NEGR1: variants seen among roughly 807,000 people sequenced by gnomAD.
NEGR1 encodes the protein IgLON family member 4.
In NEGR1, 10 loss-of-function variants were observed where a neutral mutation model predicts 40.9. That is an observed-to-expected ratio of 0.24 (90% CI 0.15 to 0.42). The LOEUF (loss-of-function observed/expected upper bound fraction) is 0.42. NEGR1 is among the 10% of genes least tolerant of loss of function. The pLI is 1.00. For missense variants in NEGR1, 352 were observed against 438.9 expected, an observed-to-expected ratio of 0.80 and a Z score of 1.77; for synonymous variants, 185 against 166.8, an observed-to-expected ratio of 1.11 and a Z score of -0.84.
chr1:72,041,013 A>G (rs2100456594), intron 1 of NEGR1, among the ~76,000 whole-genome samples: 1 of 152,154 alleles, frequency 6.6e-6, no homozygotes. Flanking sequence ...TAAGTAACCA[A>G]TGTCAATAGT....
intron 1 of NEGR1, among the ~76,000 whole-genome samples, chr1:71,967,457 A>C (rs1646219420): frequency 6.6e-6 from 1 of 152,184 alleles, no homozygotes; most frequent in Non-Finnish European, 1.5e-5. Flanking sequence ...ACAAATTATA[A>C]GCTTGAATTT....
At chr1:72,276,608 T>A (rs891707463) in intron 1 of NEGR1, among the ~76,000 whole-genome samples, 1 of 152,198 alleles carries the variant, frequency 6.6e-6, no homozygotes, top group Admixed American at 6.5e-5. Context: ...GTATGGATTA[T>A]AAAGCCTCTT....
intron 2 of NEGR1, among the ~76,000 whole-genome samples, chr1:71,896,159 T>C (rs142955963): frequency 6.7e-6 from 1 of 150,320 alleles, no homozygotes; most frequent in East Asian, 2.0e-4. Context: ...TGCCTCAGCC[T>C]CTGGAATAGC....
At chr1:71,572,642 G>A (rs921022573) in intron 6 of NEGR1, among the ~76,000 whole-genome samples, 1 of 152,088 alleles carries the variant, frequency 6.6e-6, no homozygotes, top group Admixed American at 6.5e-5. Flanking sequence ...AGACTTGTGG[G>A]TATATATTCA....
chr1:71,476,342 A>C (rs1401822641), intron 6 of NEGR1, among the ~76,000 whole-genome samples: 2 of 152,132 alleles, frequency 1.3e-5, no homozygotes, highest in East Asian at 3.9e-4. Flanking sequence ...AATCAATAAA[A>C]TAAGCAATAT....
intron 4 of NEGR1, among the ~76,000 whole-genome samples, chr1:71,621,413 A>T (rs1298584405): frequency 6.6e-6 from 1 of 151,864 alleles, no homozygotes; most frequent in Non-Finnish European, 1.5e-5. Flanking sequence ...TTACTTGGGT[A>T]TATAAAAGAT....
intron 6 of NEGR1, among the ~76,000 whole-genome samples, chr1:71,565,559 G>C (rs1200956594): frequency 1.3e-5 from 2 of 152,162 alleles, no homozygotes; most frequent in African/African-American, 2.4e-5. Flanking sequence ...AAATAGGACA[G>C]AGCAACAAGT....
chr1:71,862,304 C>T (rs915437850), intron 2 of NEGR1, among the ~76,000 whole-genome samples: 1 of 152,112 alleles, frequency 6.6e-6, no homozygotes, highest in African/African-American at 2.4e-5. Context: ...ATAGCTGACA[C>T]TCCTAACACT....
intron 6 of NEGR1, among the ~76,000 whole-genome samples, chr1:71,519,630 G>C (rs1302751746): frequency 8.0e-6 from 1 of 125,658 alleles, no homozygotes; most frequent in Non-Finnish European, 1.6e-5. Flanking sequence ...CCTAATGCTA[G>C]ATGACACGTT....
At chr1:71,897,114 T>G (rs1252813524) in intron 2 of NEGR1, among the ~76,000 whole-genome samples, 46 of 152,110 alleles carry the variant, frequency 3.0e-4, no homozygotes, top group Admixed American at 3.0e-3. Flanking sequence ...TGCTGAGTAT[T>G]CTTCTCTGTT....
intron 1 of NEGR1, among the ~76,000 whole-genome samples, chr1:72,091,505 G>A (rs901637664): frequency 7.4e-5 from 11 of 147,976 alleles, no homozygotes; most frequent in Admixed American, 1.4e-4. Flanking sequence ...TGAGCTTGAC[G>A]TCTTCAAGTA....
At chr1:71,991,061 C>G (rs1457957552) in intron 1 of NEGR1, among the ~76,000 whole-genome samples, 2 of 151,958 alleles carry the variant, frequency 1.3e-5, no homozygotes, top group Admixed American at 6.6e-5. Context: ...GAACAGAAAA[C>G]TGAGTGGTAT....
At chr1:71,870,334 T>C (rs1660245295) in intron 2 of NEGR1, among the ~76,000 whole-genome samples, 1 of 152,232 alleles carries the variant, frequency 6.6e-6, no homozygotes, top group Non-Finnish European at 1.5e-5. Context: ...ATCTATTATT[T>C]TTTATCTAAG....
At chr1:71,950,845 A>T (rs1350968276) in intron 1 of NEGR1, among the ~76,000 whole-genome samples, 1 of 151,990 alleles carries the variant, frequency 6.6e-6, no homozygotes, top group Non-Finnish European at 1.5e-5. Flanking sequence ...CTTCTGATGC[A>T]AAAGGACTAC....
At chr1:71,420,132 A>G (rs1287870000) in intron 6 of NEGR1, among the ~76,000 whole-genome samples, 3 of 152,092 alleles carry the variant, frequency 2.0e-5, no homozygotes, top group Non-Finnish European at 2.9e-5. Flanking sequence ...GCATTAATAA[A>G]TGTTTCAGTT....
chr1:71,846,963 T>C (rs1358627875), intron 2 of NEGR1, among the ~76,000 whole-genome samples: 1 of 152,196 alleles, frequency 6.6e-6, no homozygotes, highest in Admixed American at 6.5e-5. Flanking sequence ...TTTCAGACCA[T>C]AGCACATATT....
chr1:72,096,185 TC>T (rs1648689823), intron 1 of NEGR1, among the ~76,000 whole-genome samples: 1 of 152,194 alleles, frequency 6.6e-6, no homozygotes, highest in Admixed American at 6.5e-5. Context: ...GTTTGATGTT[TC>T]AAGGTGAACA....
At chr1:71,503,591 C>T (rs960924204) in intron 6 of NEGR1, among the ~76,000 whole-genome samples, 2 of 152,146 alleles carry the variant, frequency 1.3e-5, no homozygotes, top group Non-Finnish European at 2.9e-5. Context: ...CCTATCCCTT[C>T]CACACAGCAG....
intron 3 of NEGR1, among the ~76,000 whole-genome samples, chr1:71,742,827 A>G (rs1468819736): frequency 6.6e-6 from 1 of 152,174 alleles, no homozygotes; most frequent in Admixed American, 6.5e-5. Context: ...TTTGCAAGTG[A>G]AAAGGACATG....
Sources: allele counts gnomAD v4.1 joint callset (sites outside exome capture counted in the v4.1 genomes callset), GRCh38; gene constraint gnomAD v4.1.1; transcripts MANE v1.5; gene names NCBI Gene and HGNC (gene_info 2026-07-23, HGNC 2026-07-21).